The following RXRA variants were observed in gnomAD, a reference collection of about 807,000 sequenced individuals.
RXRA encodes the protein retinoid X receptor alpha.
Under a neutral mutation model 44.5 loss-of-function variants are expected in RXRA, and 5 were observed. That is an observed-to-expected ratio of 0.11 (90% CI 0.06 to 0.24). RXRA has a LOEUF of 0.24. RXRA is among the 10% of genes least tolerant of loss of function. The probability of loss-of-function intolerance (pLI) is 1.00; values close to 1 mark genes in which losing one functional copy is unlikely to be tolerated. For synonymous variants in RXRA, 291 were observed against 271.4 expected, an observed-to-expected ratio of 1.07 and a Z score of -0.71; for missense variants, 412 against 646.5, an observed-to-expected ratio of 0.64 and a Z score of 3.93.
At chr9:134,432,796 CA>C (rs926553549) in intron 8 of RXRA, among the ~76,000 whole-genome samples, 2 of 152,078 alleles carry the variant, frequency 1.3e-5, no homozygotes, top group Non-Finnish European at 2.9e-5. Context: ...AGTTAGGGGC[CA>C]GGGGAGTGAG....
chr9:134,371,798 C>T (rs983378988), intron 1 of RXRA, among the ~76,000 whole-genome samples: 3 of 152,154 alleles, frequency 2.0e-5, no homozygotes, highest in Non-Finnish European at 4.4e-5. Flanking sequence ...GCCATGGGTG[C>T]GCGAGTGCAG....
chr9:134,346,191 T>A lies in RXRA; in HGVS notation c.28+19532T>A, dbSNP rs546525769. On this transcript the variant is annotated intron_variant, in intron 1 of 9. Coordinates refer to ENST00000481739, the MANE Select transcript of RXRA (RefSeq NM_002957.6). Reference sequence around the variant, plus strand: ...CCATGCCGCCCTCCTCTTTAGTTCCTCCTGTTCCGCTGTGGTCCTAGGGGT... The same window carrying A: ...CCATGCCGCCCTCCTCTTTAGTTCCACCTGTTCCGCTGTGGTCCTAGGGGT... 1.4e-3 allele frequency among the ~76,000 whole-genome samples: 213 copies of A among 152,242 alleles called. 1 individual carries two copies. Among genetic ancestry groups the A allele is most frequent in the African/African-American group, 5.0e-3 (206 of 41,526 alleles).
At chr9:134,422,233 A>T (rs1343757984) in intron 6 of RXRA, 1 of 1,073,496 alleles carries the variant, frequency 9.3e-7, no homozygotes. Context: ...CATACTCCCC[A>T]CTCCTGGGAT....
chr9:134,401,951 C>A, intron 2 of RXRA, 69 bp downstream of exon 2: 1 of 1,290,692 alleles, frequency 7.7e-7, no homozygotes, highest in Non-Finnish European at 1.1e-6. Context: ...AACTGCAGGA[C>A]GACCGCCTCA....
intron 1 of RXRA, among the ~76,000 whole-genome samples, chr9:134,400,498 C>G (rs1331816358): frequency 6.6e-6 from 1 of 152,206 alleles, no homozygotes; most frequent in Non-Finnish European, 1.5e-5. Flanking sequence ...GTGGCTTGCC[C>G]CGTGTGCCCA....
chr9:134,365,744 C>T lies in RXRA; in HGVS notation c.29-35888C>T, dbSNP rs116534025. Among the ~76,000 whole-genome samples the T allele has an allele frequency of 6.6e-6, 1 of 151,700 alleles. No homozygotes were observed. Among genetic ancestry groups the T allele is most frequent in the African/African-American group, 2.4e-5 (1 of 41,282 alleles). On this transcript the variant is annotated intron_variant, in intron 1 of 9. Transcript: ENST00000481739. This position sits in a 1 kb window ranked among gnomAD's most constrained non-coding sequence, Gnocchi z 4.0. ...GGCCCGGCAGAGTCTCGGTGGGTCT[C>T]GGTGGGGCCAGCTGTCGGTGGGTGA...
At chr9:134,383,100 G>T (rs930257938) in intron 1 of RXRA, among the ~76,000 whole-genome samples, 10 of 152,214 alleles carry the variant, frequency 6.6e-5, no homozygotes, top group African/African-American at 2.4e-4. Context: ...GACAGACAGG[G>T]TGGGCCCATC....
chr9:134,402,035 A>G, intron 2 of RXRA, 153 bp downstream of exon 2: 1 of 684,440 alleles, frequency 1.5e-6, no homozygotes, highest in Non-Finnish European at 2.4e-6. Flanking sequence ...CGGGGAGCAG[A>G]GTGCCGTGGG....
At chr9:134,333,873 C>T (rs1554746984) in intron 1 of RXRA, among the ~76,000 whole-genome samples, 8 of 152,202 alleles carry the variant, frequency 5.3e-5, no homozygotes. Flanking sequence ...TGTGCCTCTG[C>T]CGGGACTCCC....
chr9:134,379,768 G>A (rs939862142), intron 1 of RXRA: 27 of 985,258 alleles, frequency 2.7e-5, no homozygotes, highest in African/African-American at 5.2e-5. Flanking sequence ...TGGTCTGTAG[G>A]GACCTGGGCC....
At chr9:134,374,441 C>G (rs561907937) in intron 1 of RXRA, among the ~76,000 whole-genome samples, 14 of 152,338 alleles carry the variant, frequency 9.2e-5, no homozygotes, top group Non-Finnish European at 2.1e-4. Context: ...GGCCACCCTC[C>G]TGGTGTGGGC....
intron 1 of RXRA, among the ~76,000 whole-genome samples, chr9:134,375,567 C>A (rs982968374): frequency 1.3e-5 from 2 of 152,092 alleles, no homozygotes; most frequent in Admixed American, 1.3e-4. Flanking sequence ...ATCGGCCTGG[C>A]GGGAGAGCTG....
chr9:134,388,738 A>G (rs901250891), intron 1 of RXRA, among the ~76,000 whole-genome samples: 2 of 152,108 alleles, frequency 1.3e-5, no homozygotes, highest in Non-Finnish European at 2.9e-5. Context: ...CTGCACCTGG[A>G]TGGGGAGGGG....
intron 1 of RXRA, among the ~76,000 whole-genome samples, chr9:134,341,179 A>C (rs1830081163): frequency 6.6e-6 from 1 of 152,214 alleles, no homozygotes; most frequent in South Asian, 2.1e-4. Flanking sequence ...TGTGCCCAGC[A>C]CAGCATGGCA....
At chr9:134,394,721 C>G (rs546385656) in intron 1 of RXRA, among the ~76,000 whole-genome samples, 1 of 152,304 alleles carries the variant, frequency 6.6e-6, no homozygotes, top group Admixed American at 6.5e-5. Context: ...CATCACGCCC[C>G]CTCACTACCC....
At chr9:134,368,304 C>T (rs1186786419) in intron 1 of RXRA, among the ~76,000 whole-genome samples, 6 of 152,238 alleles carry the variant, frequency 3.9e-5, no homozygotes, top group Non-Finnish European at 8.8e-5. Flanking sequence ...GCTGTTCCGT[C>T]CAGTGGGCTT....
At position 134,407,345 on chromosome 9, in the gene RXRA, C is replaced by T. The variant is rs565109035; in HGVS notation, c.280-804C>T. On this transcript the variant is annotated intron_variant, in intron 2 of 9. Coordinates refer to ENST00000481739, the MANE Select transcript of RXRA (RefSeq NM_002957.6). This position sits in a 1 kb window ranked among gnomAD's most constrained non-coding sequence, Gnocchi z 4.8. ...GGAGGCTGGGGGCTGCCTGGCCAAG[C>T]GCTTACCGCCCTGCGCAGCCAGGCT... 1.1e-3 allele frequency among the ~76,000 whole-genome samples: 175 copies of T among 152,326 alleles called. No homozygotes were observed. Among genetic ancestry groups the T allele is most frequent in the Middle Eastern group, 3.4e-3 (1 of 294 alleles).
At chr9:134,416,483 A>G (rs950588367) in intron 4 of RXRA, among the ~76,000 whole-genome samples, 2 of 151,936 alleles carry the variant, frequency 1.3e-5, no homozygotes, top group African/African-American at 4.8e-5. Context: ...GGTGCCCTGC[A>G]TGGGGCATGG....
rs1270559815 is a variant in RXRA at position 134,342,714 on chromosome 9, C to T, written c.28+16055C>T. ...CAGGGCTGAGATGGCTGGTGTGGGC[C>T]GCCCTGACCTGGTGGGTTTGGGGGA... On this transcript the variant is annotated intron_variant, in intron 1 of 9. Coordinates refer to ENST00000481739, the MANE Select transcript of RXRA (RefSeq NM_002957.6). This position sits in a 1 kb window ranked among gnomAD's most constrained non-coding sequence, Gnocchi z 4.4. 2.6e-5 allele frequency among the ~76,000 whole-genome samples: 4 copies of T among 152,074 alleles called. No homozygotes were observed. Among genetic ancestry groups the T allele is most frequent in the African/African-American group, 7.2e-5 (3 of 41,402 alleles).
Sources: gnomAD v4.1 joint callset for allele counts (sites outside exome capture counted in the v4.1 genomes callset) on GRCh38, gnomAD v4.1.1 for gene constraint, Gnocchi (gnomAD v3.1) non-coding constraint, MANE v1.5 for transcripts, NCBI Gene and HGNC (gene_info 2026-07-23, HGNC 2026-07-21) for gene names.